Variants in CAMTA1 observed in about 807,000 individuals in gnomAD.
CAMTA1 encodes the protein calmodulin binding transcription activator 1, also known as calmodulin-binding transcription activator 1.
CAMTA1 carries 27 observed loss-of-function variants against 170.9 expected under a neutral mutation model. The observed-to-expected ratio is 0.16, with a 90% CI of 0.12 to 0.22. The LOEUF (loss-of-function observed/expected upper bound fraction) is 0.22, where lower values mean the gene tolerates loss of function less well. CAMTA1 is among the 10% of genes least tolerant of loss of function. The probability of loss-of-function intolerance (pLI) is 1.00; values close to 1 mark genes in which losing one functional copy is unlikely to be tolerated. For missense variants in CAMTA1, 1,619 were observed against 2,217.2 expected, an observed-to-expected ratio of 0.73 and a Z score of 5.42; for synonymous variants, 833 against 891.5, an observed-to-expected ratio of 0.93 and a Z score of 1.17.
intron 5 of CAMTA1, among the ~76,000 whole-genome samples, chr1:7,361,634 A>G (rs1171671436): frequency 6.6e-6 from 1 of 152,232 alleles, no homozygotes; most frequent in Non-Finnish European, 1.5e-5. Flanking sequence ...GTCAAGATGA[A>G]TCTCATTTCA....
At chr1:6,847,157 C>T (rs898697337) in intron 3 of CAMTA1, among the ~76,000 whole-genome samples, 1 of 151,838 alleles carries the variant, frequency 6.6e-6, no homozygotes, top group Non-Finnish European at 1.5e-5. Context: ...GCTTGTGCCA[C>T]TGCGCCTGGC....
intron 6 of CAMTA1, among the ~76,000 whole-genome samples, chr1:7,510,141 G>C (rs551942514): frequency 7.5e-6 from 1 of 133,876 alleles, no homozygotes; most frequent in African/African-American, 2.6e-5. Flanking sequence ...TTGGTACGAC[G>C]GCACTCGAGA....
At chr1:7,623,557 C>T (rs2095613186) in intron 6 of CAMTA1, among the ~76,000 whole-genome samples, 1 of 152,224 alleles carries the variant, frequency 6.6e-6, no homozygotes, top group African/African-American at 2.4e-5. Flanking sequence ...ATCTGAAACC[C>T]TCAGTTGGAA....
In CAMTA1 at chr1:7,562,732, C is replaced by T. The variant is rs1356044312; in HGVS notation, c.511-77668C>T. 6.6e-6 allele frequency among the ~76,000 whole-genome samples: 1 copy of T among 152,212 alleles called. No individual in the cohort carries two copies. The highest frequency in any genetic ancestry group is 2.4e-5 in the African/African-American group (1 of 41,454). On this transcript the variant is annotated intron_variant, in intron 6 of 22. Coordinates refer to ENST00000303635, the MANE Select transcript of CAMTA1 (RefSeq NM_015215.4). The surrounding 1 kb of genome is among the most constrained non-coding windows in gnomAD (Gnocchi z 4.8). ...GCTGGGAGAAGGGTCTGATATTTCC[C>T]GCATCTGCCGTTAACCCTCGCCAGG... is the stretch of plus-strand genomic sequence containing the variant.
At chr1:6,991,071 GT>G (rs201203098) in intron 3 of CAMTA1, among the ~76,000 whole-genome samples, 6,899 of 151,098 alleles carry the variant, frequency 0.046, 181 homozygotes, top group Middle Eastern at 0.14. Flanking sequence ...TGTATCAGTA[GT>G]TTTTTTTTCC....
At chr1:7,157,344 CAAA>C (rs57248086) in intron 4 of CAMTA1, among the ~76,000 whole-genome samples, 14 of 99,466 alleles carry the variant, frequency 1.4e-4, no homozygotes, top group African/African-American at 4.3e-4. Context: ...GACTCTGTCT[CAAA>C]AAAAAAAAAA....
chr1:6,876,907 T>A (rs1405112522), intron 3 of CAMTA1, among the ~76,000 whole-genome samples: 1 of 152,202 alleles, frequency 6.6e-6, no homozygotes, highest in Admixed American at 6.5e-5. Flanking sequence ...AGGGAGCACT[T>A]ATGTCAGGCT....
rs1056777038 is a variant in CAMTA1 at position 7,547,443 on chromosome 1, G to A, written c.510+79542G>A. 2.0e-5 allele frequency among the ~76,000 whole-genome samples: 3 copies of A among 151,270 alleles called. No homozygotes were observed. Among genetic ancestry groups the A allele is most frequent in the African/African-American group, 4.9e-5 (2 of 41,008 alleles). The stretch of plus-strand genomic sequence containing the variant: ...CGCATCCGTGGATTCAACCAACAAC[G>A]GGCCAAAAATATCCAGGAAAAAAAT... On this transcript the variant is annotated intron_variant, in intron 6 of 22. Coordinates refer to ENST00000303635, the MANE Select transcript of CAMTA1 (RefSeq NM_015215.4). This position sits in a 1 kb window ranked among gnomAD's most constrained non-coding sequence, Gnocchi z 5.7.
chr1:7,051,540 C>A (rs1286146580), intron 3 of CAMTA1, among the ~76,000 whole-genome samples: 1 of 152,176 alleles, frequency 6.6e-6, no homozygotes. Flanking sequence ...TCCAGTGGGT[C>A]CTGATTGCCA....
intron 5 of CAMTA1, among the ~76,000 whole-genome samples, chr1:7,465,800 T>C (rs956782088): frequency 1.5e-4 from 23 of 152,124 alleles, no homozygotes; most frequent in East Asian, 3.9e-4. Flanking sequence ...GGTTCAGAGA[T>C]GCTGAAGCCC....
chr1:7,040,316 G>C (rs538534470), intron 3 of CAMTA1, among the ~76,000 whole-genome samples: 17 of 152,178 alleles, frequency 1.1e-4, no homozygotes, highest in Non-Finnish European at 2.1e-4. Context: ...TTTGTGTACT[G>C]TAAGTTGTCT....
At chr1:6,902,039 T>TCACA (rs536174579) in intron 3 of CAMTA1, among the ~76,000 whole-genome samples, 20,397 of 113,630 alleles carry the variant, frequency 0.18, 2,016 homozygotes, top group Admixed American at 0.25. Context: ...GGTGAGACTG[T>TCACA]CACACACACA....
intron 3 of CAMTA1, among the ~76,000 whole-genome samples, chr1:7,011,280 C>T (rs1011413710): frequency 5.3e-5 from 8 of 152,182 alleles, no homozygotes; most frequent in African/African-American, 1.9e-4. Flanking sequence ...TCTCGGCTCA[C>T]TGCAACCTCT....
intron 19 of CAMTA1, chr1:7,749,941 T>C (rs1248661405): frequency 8.8e-6 from 3 of 341,912 alleles, no homozygotes; most frequent in African/African-American, 2.1e-5. Flanking sequence ...AGTTCCTCTG[T>C]CGTCTGGGGA....
intron 6 of CAMTA1, among the ~76,000 whole-genome samples, chr1:7,584,508 G>A (rs575737899): frequency 6.6e-5 from 10 of 152,264 alleles, no homozygotes; most frequent in South Asian, 2.1e-4. Flanking sequence ...AGTTTGGGCC[G>A]AGTCAAGCAG....
Position 7,023,986 on chromosome 1 carries a change from G to A in CAMTA1, c.235-67318G>A, listed in dbSNP as rs544285935. On this transcript the variant is annotated intron_variant, in intron 3 of 22. Transcript: ENST00000303635. ...GGAGCTTGCAGTGAGCCAAGATTGC[G>A]CCACGGCACTGCAGCCTGGGGGACA... Among the ~76,000 whole-genome samples, 314 of 147,556 alleles carry A rather than the reference G, an allele frequency of 2.1e-3. 2 individuals are homozygous for A. The highest frequency in any genetic ancestry group is 3.8e-3 in the Non-Finnish European group (256 of 67,472).
Position 7,207,542 on chromosome 1 carries a change from T to A in CAMTA1, c.303-41949T>A, listed in dbSNP as rs576027402. Among the ~76,000 whole-genome samples the A allele has an allele frequency of 2.0e-5, 3 of 152,274 alleles. No homozygotes were observed. The South Asian group carries it at 6.2e-4, about 32-fold the overall frequency. On this transcript the variant is annotated intron_variant, in intron 4 of 22. Coordinates refer to ENST00000303635, the MANE Select transcript of CAMTA1 (RefSeq NM_015215.4). ...TCCAACCGACACAATCACCCACAACTGAAAATTGACCTTGGAGCCCTGTCC... is the reference window on the plus strand; with the variant it reads ...TCCAACCGACACAATCACCCACAACAGAAAATTGACCTTGGAGCCCTGTCC...
At chr1:6,856,328 C>T (rs1372588130) in intron 3 of CAMTA1, among the ~76,000 whole-genome samples, 1 of 146,646 alleles carries the variant, frequency 6.8e-6, no homozygotes, top group Non-Finnish European at 1.5e-5. Flanking sequence ...CTTCCCCCTG[C>T]CGCTTTTTTT....
chr1:7,389,563 G>GTTCCC (rs1367260687), intron 5 of CAMTA1: 4 of 152,386 alleles, frequency 2.6e-5, no homozygotes, highest in African/African-American at 9.6e-5. Context: ...GCCCTTGACT[G>GTTCCC]TTCCCTTAGA....
Sources: allele counts gnomAD v4.1 joint callset (sites outside exome capture counted in the v4.1 genomes callset), GRCh38; gene constraint gnomAD v4.1.1; non-coding constraint Gnocchi (gnomAD v3.1); transcripts MANE v1.5; gene names NCBI Gene and HGNC (gene_info 2026-07-23, HGNC 2026-07-21).